POU2F1: variants seen among roughly 807,000 people sequenced by gnomAD.
POU2F1 encodes POU class 2 homeobox 1, also known as POU domain, class 2, transcription factor 1.
In POU2F1, 16 loss-of-function variants were observed where a neutral mutation model predicts 84.9. The observed-to-expected ratio is 0.19, with a 90% CI of 0.13 to 0.29. The LOEUF is 0.29. Among genes scored for constraint, POU2F1 ranks in the 10% least tolerant of loss-of-function variants. The probability of loss-of-function intolerance (pLI) is 1.00; values close to 1 mark genes in which losing one functional copy is unlikely to be tolerated. For missense variants in POU2F1, 738 were observed against 942.6 expected, an observed-to-expected ratio of 0.78 and a Z score of 2.84; for synonymous variants, 368 against 368.3, an observed-to-expected ratio of 1.00 and a Z score of 0.01.
intron 1 of POU2F1, among the ~76,000 whole-genome samples, chr1:167,267,202 T>TG (rs1285672331): frequency 7.0e-6 from 1 of 143,558 alleles, no homozygotes; most frequent in African/African-American, 2.6e-5. Flanking sequence ...TTAAATGGGG[T>TG]GGGGGGAAGG....
chr1:167,313,491 C>T (rs780717093), intron 1 of POU2F1, among the ~76,000 whole-genome samples: 7 of 152,052 alleles, frequency 4.6e-5, no homozygotes, highest in African/African-American at 4.8e-5. Context: ...ATCAGTGGAA[C>T]GGAATATTGA....
rs1650885935 is a variant in POU2F1 at position 167,425,238 on chromosome 1, G to A, written c.*9428G>A. On this transcript the variant is annotated 3_prime_UTR_variant, in exon 16 of 16. Coordinates refer to ENST00000367866, the MANE Select transcript of POU2F1 (RefSeq NM_002697.4). ...GAGGGTGGTTTCTTTGTTTTGTTTT[G>A]TTTTGTTTTGTTTTTCAAATTTCCA... The A allele has an allele frequency of 6.6e-6, 1 of 151,842 alleles. No individual in the cohort carries two copies. Among genetic ancestry groups the A allele is most frequent in the East Asian group, 1.9e-4 (1 of 5,176 alleles). The allele number at this position is 151,842 out of a possible 1,614,324, so 9.4% of individuals were successfully genotyped here. A position where few individuals can be genotyped will look rare whatever the true frequency, so the allele number is the denominator to read the frequency against.
At chr1:167,391,550 T>C (rs958512447) in intron 9 of POU2F1, among the ~76,000 whole-genome samples, 10 of 146,502 alleles carry the variant, frequency 6.8e-5, no homozygotes, top group Non-Finnish European at 1.4e-4. Flanking sequence ...TATATATCTT[T>C]ATATATATCT....
chr1:167,296,164 A>G (rs1328584636), intron 1 of POU2F1, among the ~76,000 whole-genome samples: 2 of 152,116 alleles, frequency 1.3e-5, no homozygotes, highest in South Asian at 4.1e-4. Context: ...TTTTGCATTC[A>G]GGTAAAATGA....
intron 1 of POU2F1, among the ~76,000 whole-genome samples, chr1:167,304,122 C>CT (rs1319484732): frequency 2.0e-5 from 3 of 152,026 alleles, no homozygotes; most frequent in African/African-American, 7.2e-5. Context: ...AGTCTAGTGC[C>CT]TTTTTTATAT....
intron 13 of POU2F1, among the ~76,000 whole-genome samples, chr1:167,408,912 T>C: frequency 6.6e-6 from 1 of 152,254 alleles, no homozygotes; most frequent in East Asian, 1.9e-4. Flanking sequence ...ATTCTTACTA[T>C]TGAGTTGTAA....
chr1:167,362,944 G>T (rs1166243530), intron 2 of POU2F1, among the ~76,000 whole-genome samples: 2 of 152,022 alleles, frequency 1.3e-5, no homozygotes, highest in Non-Finnish European at 2.9e-5. Flanking sequence ...ACCTGGGAGG[G>T]GCAGTCTCTC....
At chr1:167,312,603 T>C (rs57458342) in intron 1 of POU2F1, among the ~76,000 whole-genome samples, 3,862 of 152,198 alleles carry the variant, frequency 0.025, 163 homozygotes, top group African/African-American at 0.086. Context: ...TAACTTATTA[T>C]TCAAGAAAGA....
chr1:167,264,087 C>G (rs1651772254), intron 1 of POU2F1, among the ~76,000 whole-genome samples: 2 of 152,012 alleles, frequency 1.3e-5, no homozygotes, highest in African/African-American at 4.8e-5. Context: ...ACCAATGTTG[C>G]AATTACAAAC....
chr1:167,302,128 G>GT (rs1211315086), intron 1 of POU2F1, among the ~76,000 whole-genome samples: 19 of 152,024 alleles, frequency 1.2e-4, no homozygotes, highest in Middle Eastern at 3.4e-3. Context: ...CCGGAGGGCA[G>GT]TGGCACCATC....
chr1:167,372,045 T>A lies in POU2F1; in HGVS notation c.402+9T>A, dbSNP rs1660037545. 2 of 1,605,540 alleles carry A rather than the reference T, an allele frequency of 1.2e-6. No individual in the cohort carries two copies. The highest frequency in any genetic ancestry group is 2.7e-5 in the African/African-American group (2 of 74,432). On this transcript the variant is annotated intron_variant, in intron 5 of 15. Coordinates refer to ENST00000367866, the MANE Select transcript of POU2F1 (RefSeq NM_002697.4). ...GAGGACAGATAACTGGGGTAAGTGT[T>A]CACTGAGAGAATTATAACAAACTTT...
intron 1 of POU2F1, among the ~76,000 whole-genome samples, chr1:167,282,173 C>G (rs1009135318): frequency 1.3e-5 from 2 of 151,010 alleles, no homozygotes; most frequent in Admixed American, 1.3e-4. Flanking sequence ...AGACGAGTCT[C>G]GCTCTGTCGC....
At chr1:167,364,483 T>C (rs1233348262) in intron 2 of POU2F1, among the ~76,000 whole-genome samples, 2 of 80,736 alleles carry the variant, frequency 2.5e-5, no homozygotes, top group African/African-American at 9.6e-5. Context: ...TGAGCCGAGA[T>C]CCCGCCACTG....
chr1:167,327,104 CT>C lies in POU2F1; in HGVS notation c.62-5364del, dbSNP rs1484330495. On this transcript the variant is annotated intron_variant, in intron 1 of 15. Transcript: ENST00000367866. ...AAAACTCATTTGAAATTTGTGTTCT[CT>C]TCTATAATGTATTCTTATTTTAATA... Among the ~76,000 whole-genome samples the C allele has an allele frequency of 9.4e-3, 1,429 of 152,228 alleles. 18 individuals are homozygous for C. Among genetic ancestry groups the C allele is most frequent in the African/African-American group, 0.03 (1,247 of 41,536 alleles).
intron 1 of POU2F1, among the ~76,000 whole-genome samples, chr1:167,332,073 A>G (rs1173959290): frequency 2.6e-5 from 4 of 152,108 alleles, no homozygotes; most frequent in Non-Finnish European, 5.9e-5. Flanking sequence ...TTGCATATAG[A>G]AAAAGATACT....
chr1:167,381,762 A>G (rs1647577690), intron 7 of POU2F1, among the ~76,000 whole-genome samples: 1 of 151,448 alleles, frequency 6.6e-6, no homozygotes, highest in South Asian at 2.1e-4. Flanking sequence ...GGTGTGTGCC[A>G]CCACACCCGG....
chr1:167,270,545 GAC>G (rs1341039060), intron 1 of POU2F1, among the ~76,000 whole-genome samples: 2 of 152,148 alleles, frequency 1.3e-5, no homozygotes, highest in African/African-American at 2.4e-5. Flanking sequence ...AGAGAGAAGA[GAC>G]AGAGAGAGAG....
intron 1 of POU2F1, among the ~76,000 whole-genome samples, chr1:167,232,186 A>C (rs990547515): frequency 6.6e-6 from 1 of 152,206 alleles, no homozygotes; most frequent in Non-Finnish European, 1.5e-5. Context: ...ACCTGATTTA[A>C]GTGGACCCAC....
intron 7 of POU2F1, among the ~76,000 whole-genome samples, chr1:167,376,855 G>A (rs1660361889): frequency 1.3e-5 from 2 of 152,088 alleles, no homozygotes; most frequent in Admixed American, 6.5e-5. Flanking sequence ...AAGATTCAGA[G>A]ATAAGTAATT....
Sources: allele counts gnomAD v4.1 joint callset (sites outside exome capture counted in the v4.1 genomes callset), GRCh38; gene constraint gnomAD v4.1.1; transcripts MANE v1.5; gene names NCBI Gene and HGNC (gene_info 2026-07-23, HGNC 2026-07-21).